Variants in TMEFF2 observed in about 807,000 individuals in gnomAD.
TMEFF2 encodes transmembrane protein with EGF like and two follistatin like domains 2.
A neutral mutation model predicts 53.8 loss-of-function variants in TMEFF2; 28 were observed. That is an observed-to-expected ratio of 0.52 (90% CI 0.39 to 0.71). TMEFF2 has a LOEUF of 0.71. Among genes scored for constraint, TMEFF2 ranks in the 30% least tolerant of loss-of-function variants. The probability of loss-of-function intolerance (pLI) is 0.00; values close to 1 mark genes in which losing one functional copy is unlikely to be tolerated. For synonymous variants in TMEFF2, 162 were observed against 166.3 expected (o/e 0.97, Z 0.20); for missense variants, 353 against 455.2 (o/e 0.78, Z 2.04).
intron 7 of TMEFF2, among the ~76,000 whole-genome samples, chr2:191,962,640 G>GT (rs1278252961): frequency 7.2e-5 from 11 of 152,136 alleles, no homozygotes; most frequent in African/African-American, 2.4e-4. Context: ...AATCTTGGGA[G>GT]AAAAACTTGT....
chr2:192,191,705 C>T (rs1691464597), intron 2 of TMEFF2, among the ~76,000 whole-genome samples, 175 bp downstream of exon 2: 1 of 152,102 alleles, frequency 6.6e-6, no homozygotes. Context: ...TACATTTCTC[C>T]AAAAAGCGTA....
Position 192,194,262 on chromosome 2 carries a change from T to C in TMEFF2, c.172+91A>G, listed in dbSNP as rs1691546688. Reference sequence around the variant, plus strand: ...TCTAGGGCAGTAGGAGGTGAGGGGCTGAGGAGGCGCGCTAGGGTAGGCTGG... The same window carrying C: ...TCTAGGGCAGTAGGAGGTGAGGGGCCGAGGAGGCGCGCTAGGGTAGGCTGG... On this transcript the variant is annotated intron_variant, in intron 1 of 9. Transcript: ENST00000272771. The surrounding 1 kb of genome is among the most constrained non-coding windows in gnomAD (Gnocchi z 4.2). 1.3e-6 allele frequency: 2 copies of C among 1,497,138 alleles called. No homozygotes were observed. The highest frequency in any genetic ancestry group is 2.8e-5 in the African/African-American group (2 of 72,524). The allele number at this position is 1,497,138 out of a possible 1,614,324, so 92.7% of individuals were successfully genotyped here.
At chr2:192,015,732 ATGTGATTTTACTTGG>A (rs1686729807) in intron 5 of TMEFF2, among the ~76,000 whole-genome samples, 2 of 152,164 alleles carry the variant, frequency 1.3e-5, no homozygotes, top group Non-Finnish European at 2.9e-5. Flanking sequence ...GAGAAAATAC[ATGTGATTTTACTTGG>A]TATCATATTG....
At chr2:192,099,494 C>T (rs144066904) in intron 4 of TMEFF2, among the ~76,000 whole-genome samples, 27 of 152,160 alleles carry the variant, frequency 1.8e-4, no homozygotes, top group African/African-American at 6.5e-4. Flanking sequence ...TTCGAATTTT[C>T]TTGGGTTGGC....
Position 191,949,960 on chromosome 2 carries a change from TTGTACTAGTC to T in TMEFF2, c.*341_*350del. 5.7e-6 allele frequency: 6 copies of T among 1,043,918 alleles called. No homozygotes were observed. The highest frequency in any genetic ancestry group is 3.5e-5 in the South Asian group (1 of 28,474). 64.7% of individuals were successfully genotyped at this position (1,043,918 alleles called of 1,614,324 possible). ...CATGAAATATTGGTAGCTGTACAGATTGTACTAGTCTGATTATATTTACAGTTATGAGATA... is the reference window on the plus strand; with the variant it reads ...CATGAAATATTGGTAGCTGTACAGATTGATTATATTTACAGTTATGAGATA... On this transcript the variant is annotated 3_prime_UTR_variant, in exon 10 of 10. Transcript: ENST00000272771.
intron 4 of TMEFF2, among the ~76,000 whole-genome samples, chr2:192,106,835 A>G (rs1416229098): frequency 6.6e-6 from 1 of 151,706 alleles, no homozygotes; most frequent in Non-Finnish European, 1.5e-5. Context: ...AAGTTCTTTT[A>G]GTGGCAATGT....
chr2:192,126,649 G>A (rs572061342), intron 4 of TMEFF2, among the ~76,000 whole-genome samples: 2 of 152,284 alleles, frequency 1.3e-5, no homozygotes, highest in Non-Finnish European at 2.9e-5. Flanking sequence ...TAGAAAGAAG[G>A]AGAAATGACT....
At chr2:192,147,803 A>C (rs1051390201) in intron 4 of TMEFF2, among the ~76,000 whole-genome samples, 3 of 152,032 alleles carry the variant, frequency 2.0e-5, no homozygotes, top group South Asian at 4.1e-4. Context: ...ATGATTTTTC[A>C]TGCAGCATGC....
chr2:192,142,703 A>C (rs1013087244), intron 4 of TMEFF2, among the ~76,000 whole-genome samples: 3 of 152,152 alleles, frequency 2.0e-5, no homozygotes, highest in African/African-American at 7.2e-5. Flanking sequence ...GGTACCTGGG[A>C]TCTATGAAAC....
At chr2:192,030,162 A>G (rs965779430) in intron 5 of TMEFF2, among the ~76,000 whole-genome samples, 2 of 152,186 alleles carry the variant, frequency 1.3e-5, no homozygotes, top group African/African-American at 4.8e-5. Flanking sequence ...CATAGTCAAT[A>G]GTTTATTCAG....
At chr2:191,975,142 T>C (rs1435389530) in intron 7 of TMEFF2, among the ~76,000 whole-genome samples, 1 of 150,970 alleles carries the variant, frequency 6.6e-6, no homozygotes, top group Non-Finnish European at 1.5e-5. Context: ...TAAAAAAATA[T>C]ATAGGAAATA....
intron 5 of TMEFF2, among the ~76,000 whole-genome samples, chr2:192,008,034 G>C (rs1433113890): frequency 1.3e-5 from 2 of 152,168 alleles, no homozygotes; most frequent in East Asian, 3.9e-4. Flanking sequence ...AGCTGTGTGT[G>C]TGACTCAGGA....
At chr2:192,137,594 A>C (rs985645678) in intron 4 of TMEFF2, among the ~76,000 whole-genome samples, 17 of 152,002 alleles carry the variant, frequency 1.1e-4, no homozygotes, top group Non-Finnish European at 2.2e-4. Flanking sequence ...GAGAGCAGGC[A>C]TAGGTGGTTG....
intron 5 of TMEFF2, among the ~76,000 whole-genome samples, chr2:192,041,698 G>A (rs1001448901): frequency 1.3e-5 from 2 of 152,038 alleles, no homozygotes; most frequent in Non-Finnish European, 2.9e-5. Context: ...TAGTCAAAAA[G>A]TAGAAACAAC....
chr2:192,126,132 G>C (rs1689672920), intron 4 of TMEFF2, among the ~76,000 whole-genome samples: 1 of 152,112 alleles, frequency 6.6e-6, no homozygotes, highest in African/African-American at 2.4e-5. Context: ...ATTTGAAAAA[G>C]ATAAAAAGCA....
At chr2:192,102,626 C>CTTTTTTTTTTTTTTTTTTTTTTTT (rs10635775) in intron 4 of TMEFF2, among the ~76,000 whole-genome samples, 1 of 109,844 alleles carries the variant, frequency 9.1e-6, no homozygotes. Flanking sequence ...TTTTCTTGTT[C>CTTTTTTTTTTTTTTTTTTTTTTTT]TTTTTTTTTT....
At chr2:191,995,966 T>A (rs919107184) in intron 7 of TMEFF2, among the ~76,000 whole-genome samples, 3 of 151,932 alleles carry the variant, frequency 2.0e-5, no homozygotes, top group African/African-American at 7.2e-5. Flanking sequence ...GAGTTTTCAT[T>A]TGCATGTATT....
At chr2:192,185,667 C>T (rs1691293446) in intron 2 of TMEFF2, among the ~76,000 whole-genome samples, 1 of 152,024 alleles carries the variant, frequency 6.6e-6, no homozygotes, top group Non-Finnish European at 1.5e-5. Flanking sequence ...GAAAACACCT[C>T]TCAACATGTT....
chr2:192,003,716 C>G (rs1245293839), intron 5 of TMEFF2, among the ~76,000 whole-genome samples: 4 of 152,118 alleles, frequency 2.6e-5, no homozygotes, highest in Non-Finnish European at 5.9e-5. Context: ...CACATGAAAA[C>G]TAATATTTAC....
Sources: gnomAD v4.1 joint callset for allele counts (sites outside exome capture counted in the v4.1 genomes callset) on GRCh38, gnomAD v4.1.1 for gene constraint, Gnocchi (gnomAD v3.1) non-coding constraint, MANE v1.5 for transcripts, NCBI Gene and HGNC (gene_info 2026-07-23, HGNC 2026-07-21) for gene names.